NPHP4: variants seen among roughly 807,000 people sequenced by gnomAD.
The protein encoded by NPHP4 is nephrocystin 4.
Under a neutral mutation model 155.8 loss-of-function variants are expected in NPHP4, and 151 were observed. The observed-to-expected ratio is 0.97, with a 90% confidence interval of 0.85 to 1.11. The LOEUF is 1.11. Among genes scored for constraint, NPHP4 ranks in the 50% least tolerant of loss-of-function variants. NPHP4 has a pLI of 0.00. For missense variants in NPHP4, 1,956 were observed against 1,925.7 expected, an observed-to-expected ratio of 1.02 and a Z score of -0.29; for synonymous variants, 845 against 816.8, an observed-to-expected ratio of 1.03 and a Z score of -0.59.
At chr1:5,917,370 G>A (rs182768786) in intron 11 of NPHP4, among the ~76,000 whole-genome samples, 8 of 152,204 alleles carry the variant, frequency 5.3e-5, no homozygotes, top group South Asian at 2.1e-4. Flanking sequence ...AACTCTACCC[G>A]GAAAGAAGCC....
chr1:5,964,941 A>ATATATTTTTTTTTTTTTTTTTTTTTT, intron 5 of NPHP4, among the ~76,000 whole-genome samples: 1 of 59,426 alleles, frequency 1.7e-5, no homozygotes, highest in African/African-American at 8.5e-5. Flanking sequence ...ATATATATAT[A>ATATATTTTTTTTTTTTTTTTTTTTTT]TTTTTTTTTT....
At chr1:5,945,593 C>T (rs895817142) in intron 9 of NPHP4, among the ~76,000 whole-genome samples, 23 of 152,154 alleles carry the variant, frequency 1.5e-4, no homozygotes, top group African/African-American at 5.6e-4. Context: ...AGCTACACCC[C>T]GACACCCTGC....
chr1:5,916,814 C>T (rs1645496603), intron 11 of NPHP4, among the ~76,000 whole-genome samples: 1 of 152,238 alleles, frequency 6.6e-6, no homozygotes, highest in Non-Finnish European at 1.5e-5. Flanking sequence ...TCAAGAGCAG[C>T]CTGGCCAACA....
In NPHP4 at chr1:5,947,093, G is replaced by C; in HGVS notation, c.1119+11C>G. On this transcript the variant is annotated intron_variant, in intron 9 of 29. Coordinates refer to ENST00000378156, the MANE Select transcript of NPHP4 (RefSeq NM_015102.5). ...ACCAGAGGAAACCGAGTGCAAAAGG[G>C]CTGTTCTTACATTGCCGTCCACTCC... 6.2e-7 allele frequency: 1 copy of C among 1,613,816 alleles called. No homozygotes were observed. Among genetic ancestry groups the C allele is most frequent in the Admixed American group, 1.7e-5 (1 of 60,028 alleles).
chr1:5,949,868 C>A (rs1310377008), intron 7 of NPHP4, among the ~76,000 whole-genome samples: 3 of 152,284 alleles, frequency 2.0e-5, no homozygotes, highest in Middle Eastern at 3.4e-3. Flanking sequence ...AAACCATGAC[C>A]AGGAGGCAGC....
Position 5,864,642 on chromosome 1 carries a change from A to G in NPHP4, c.3817-125T>C, listed in dbSNP as rs1021410678. The G allele has an allele frequency of 9.3e-6, 8 of 856,930 alleles. No individual in the cohort carries two copies. The Admixed American group carries it at 2.5e-4, about 26-fold the overall frequency. 53.1% of individuals were successfully genotyped at this position (856,930 alleles called of 1,614,324 possible). A position where few individuals can be genotyped will look rare whatever the true frequency, so the allele number is the denominator to read the frequency against. ...GTCATGGGTGGTTCCGGGGCGGCCA[A>G]ATCTGAGGCCACAACCAACCCTGAC... On this transcript the variant is annotated intron_variant, in intron 27 of 29. Coordinates refer to ENST00000378156, the MANE Select transcript of NPHP4 (RefSeq NM_015102.5).
intron 23 of NPHP4, among the ~76,000 whole-genome samples, chr1:5,872,934 C>T (rs561098612): frequency 3.3e-5 from 5 of 152,316 alleles, no homozygotes; most frequent in African/African-American, 1.2e-4. Context: ...GAATGCTCTG[C>T]GTGAGGCTCA....
intron 11 of NPHP4, among the ~76,000 whole-genome samples, chr1:5,912,653 G>A (rs1022530212): frequency 1.3e-5 from 2 of 152,136 alleles, no homozygotes; most frequent in Non-Finnish European, 1.5e-5. Context: ...TAGGAAACGC[G>A]TATTCCTACA....
At chr1:5,921,209 A>G (rs1645723787) in intron 11 of NPHP4, among the ~76,000 whole-genome samples, 1 of 152,206 alleles carries the variant, frequency 6.6e-6, no homozygotes, top group Admixed American at 6.5e-5. Context: ...GCATAGATCT[A>G]TTTCATTCAT....
At chr1:5,930,499 CA>C (rs1646220579) in intron 10 of NPHP4, among the ~76,000 whole-genome samples, 1 of 152,200 alleles carries the variant, frequency 6.6e-6, no homozygotes, top group Admixed American at 6.5e-5. Flanking sequence ...GTTAAGTTCA[CA>C]ATATCTTCTA....
At chr1:5,883,321 C>T (rs887578261) in intron 18 of NPHP4, among the ~76,000 whole-genome samples, 2 of 152,210 alleles carry the variant, frequency 1.3e-5, no homozygotes, top group African/African-American at 2.4e-5. Context: ...GTTCACGCTC[C>T]GGGCCACGCT....
chr1:5,942,269 T>G (rs1570553194), intron 9 of NPHP4, among the ~76,000 whole-genome samples: 4 of 152,218 alleles, frequency 2.6e-5, no homozygotes, highest in Admixed American at 2.6e-4. Flanking sequence ...CAGTGGCTCA[T>G]GCCTGTAATC....
At chr1:5,929,883 T>C (rs1646190008) in intron 10 of NPHP4, among the ~76,000 whole-genome samples, 1 of 152,190 alleles carries the variant, frequency 6.6e-6, no homozygotes, top group Admixed American at 6.5e-5. Flanking sequence ...AAAAGTGGCA[T>C]TATTTCTTCT....
intron 11 of NPHP4, among the ~76,000 whole-genome samples, chr1:5,922,542 G>GTT (rs57418765): frequency 3.4e-5 from 5 of 147,070 alleles, no homozygotes; most frequent in African/African-American, 1.2e-4. Context: ...CTTGACTATG[G>GTT]TTTTTTTTTT....
chr1:5,875,657 G>A (rs1004056652), intron 20 of NPHP4, among the ~76,000 whole-genome samples: 3 of 152,228 alleles, frequency 2.0e-5, no homozygotes, highest in Admixed American at 2.0e-4. Flanking sequence ...CAGCACACAT[G>A]GGTTCTACAG....
chr1:5,883,103 A>G (rs1370867449), intron 18 of NPHP4, among the ~76,000 whole-genome samples: 1 of 152,244 alleles, frequency 6.6e-6, no homozygotes, highest in Non-Finnish European at 1.5e-5. Flanking sequence ...AAACACCACT[A>G]CAAAGAAGCC....
At chr1:5,990,518 T>A (rs6675050) in intron 1 of NPHP4, among the ~76,000 whole-genome samples, 7,835 of 151,620 alleles carry the variant, frequency 0.052, 313 homozygotes, top group African/African-American at 0.12. Context: ...GGAACTCACA[T>A]TCTATGGTTA....
chr1:5,881,499 T>C (rs1275147058), intron 18 of NPHP4: 4 of 152,238 alleles, frequency 2.6e-5, no homozygotes, highest in Non-Finnish European at 5.9e-5. Context: ...GAAAGCCAGA[T>C]ACTGAATCGC....
At chr1:5,942,013 T>C (rs12033563) in intron 9 of NPHP4, among the ~76,000 whole-genome samples, 62,984 of 151,884 alleles carry the variant, frequency 0.41, 13,549 homozygotes, top group East Asian at 0.75. Flanking sequence ...TCCCCACAGA[T>C]CACTTATTAG....
Sources: allele counts gnomAD v4.1 joint callset (sites outside exome capture counted in the v4.1 genomes callset), GRCh38; gene constraint gnomAD v4.1.1; transcripts MANE v1.5; gene names NCBI Gene and HGNC (gene_info 2026-07-23, HGNC 2026-07-21).